SLC2A9: variants seen among roughly 807,000 people sequenced by gnomAD.
SLC2A9 encodes solute carrier family 2 member 9.
SLC2A9 carries 39 observed loss-of-function variants against 50.6 expected under a neutral mutation model. The observed-to-expected ratio is 0.77, with a 90% CI of 0.60 to 1.01. The LOEUF is 1.01. SLC2A9 is among the 50% of genes least tolerant of loss of function. SLC2A9 has a pLI of 0.00. For synonymous variants in SLC2A9, 324 were observed against 276.9 expected, an observed-to-expected ratio of 1.17 and a Z score of -1.69; for missense variants, 686 against 677.6, an observed-to-expected ratio of 1.01 and a Z score of -0.14.
At chr4:9,870,369 C>G (rs1355445039) in intron 10 of SLC2A9, among the ~76,000 whole-genome samples, 1 of 152,222 alleles carries the variant, frequency 6.6e-6, no homozygotes, top group Non-Finnish European at 1.5e-5. Flanking sequence ...AAGAGGAAGA[C>G]AGCTGCTGAC....
intron 10 of SLC2A9, among the ~76,000 whole-genome samples, chr4:9,878,319 G>A (rs983812346): frequency 7.9e-5 from 12 of 152,158 alleles, no homozygotes; most frequent in South Asian, 4.2e-4. Context: ...TCAAGGCAGC[G>A]CTGGCCATGC....
chr4:9,780,684 C>T (rs970894473), intron 3 of SLC2A9, among the ~76,000 whole-genome samples: 5 of 152,204 alleles, frequency 3.3e-5, no homozygotes, highest in African/African-American at 1.2e-4. Context: ...TTCAGCTGAG[C>T]TTAACGCCAG....
At chr4:9,782,160 C>T in intron 3 of SLC2A9, 1 of 1,588,554 alleles carries the variant, frequency 6.3e-7, no homozygotes, top group Non-Finnish European at 8.6e-7. Context: ...GTGGTCACCG[C>T]CTGCCTGCTG....
chr4:10,013,328 G>A (rs1267020792), intron 2 of SLC2A9, among the ~76,000 whole-genome samples: 2 of 152,184 alleles, frequency 1.3e-5, no homozygotes, highest in Admixed American at 6.5e-5. Context: ...GGACCCTTGT[G>A]GATGCACGAG....
At chr4:9,901,572 C>G (rs888712075) in intron 8 of SLC2A9, among the ~76,000 whole-genome samples, 24 of 152,134 alleles carry the variant, frequency 1.6e-4, no homozygotes, top group African/African-American at 5.8e-4. Context: ...CCACTAAAAG[C>G]CTTATAGACA....
intron 3 of SLC2A9, 136 bp from the exon 4 acceptor site, chr4:9,985,929 G>T: frequency 1.6e-6 from 2 of 1,240,150 alleles, no homozygotes; most frequent in African/African-American, 1.5e-5. Flanking sequence ...GGGAGCACTG[G>T]CCTTGCCACC....
chr4:9,956,100 A>C (rs1751228569), intron 5 of SLC2A9, among the ~76,000 whole-genome samples: 1 of 151,806 alleles, frequency 6.6e-6, no homozygotes, highest in Non-Finnish European at 1.5e-5. Context: ...GCTTGTCTCA[A>C]ACTCCTGACC....
intron 3 of SLC2A9, among the ~76,000 whole-genome samples, chr4:9,781,031 C>G (rs562818924): frequency 3.3e-4 from 50 of 152,174 alleles, no homozygotes; most frequent in Non-Finnish European, 6.6e-4. Flanking sequence ...GGGAAAAGGA[C>G]AATCTCCCAA....
chr4:9,930,010 G>A (rs1275553511), intron 6 of SLC2A9, among the ~76,000 whole-genome samples: 2 of 152,138 alleles, frequency 1.3e-5, no homozygotes, highest in African/African-American at 4.8e-5. Flanking sequence ...GGGAGCTGGG[G>A]CTTCCAGATA....
intron 5 of SLC2A9, among the ~76,000 whole-genome samples, chr4:9,942,434 G>A (rs549138948): frequency 6.6e-6 from 1 of 152,146 alleles, no homozygotes; most frequent in Non-Finnish European, 1.5e-5. Context: ...CCCAAGAATG[G>A]AGCCTGCATG....
chr4:9,808,742 A>T (rs915384383), intron 3 of SLC2A9, among the ~76,000 whole-genome samples: 1 of 152,294 alleles, frequency 6.6e-6, no homozygotes, highest in South Asian at 2.1e-4. Context: ...TTGCAACATG[A>T]TTCCAAAGTG....
chr4:10,036,445 C>T (rs996341714), intron 1 of SLC2A9, among the ~76,000 whole-genome samples: 3 of 152,242 alleles, frequency 2.0e-5, no homozygotes, highest in Non-Finnish European at 2.9e-5. Context: ...ATAAGGCCAT[C>T]GCTCTTCCAT....
rs145364569 is a variant in SLC2A9, at chr4:9,963,028, G to A, written c.681+17564C>T. On this transcript the variant is annotated intron_variant, in intron 5 of 11. Transcript: ENST00000264784. ...AGAAAGCTTTCCGTGGCCCTCTCTC[G>A]CTGCATTAGGGCCATTAGGAAAGAG... 3.6e-4 allele frequency among the ~76,000 whole-genome samples: 55 copies of A among 152,256 alleles called. 2 individuals carry two copies. The East Asian group carries it at 6.0e-3, about 17-fold the overall frequency.
downstream of SLC2A9, among the ~76,000 whole-genome samples, chr4:9,825,533 GT>G (rs912124096): frequency 4.7e-3 from 10 of 2,130 alleles, no homozygotes; most frequent in Non-Finnish European, 0.014. Flanking sequence ...TAATCACAAT[GT>G]TTTTTTTTTT....
At chr4:9,968,811 A>G (rs957926599) in intron 5 of SLC2A9, among the ~76,000 whole-genome samples, 1 of 152,178 alleles carries the variant, frequency 6.6e-6, no homozygotes, top group African/African-American at 2.4e-5. Flanking sequence ...ATATTTTATC[A>G]AGATAATTTC....
At chr4:9,786,284 T>C (rs1053647673) in intron 3 of SLC2A9, among the ~76,000 whole-genome samples, 1 of 152,154 alleles carries the variant, frequency 6.6e-6, no homozygotes, top group African/African-American at 2.4e-5. Flanking sequence ...GCAGGCTAAA[T>C]AACCAGCCTG....
rs1054041694 is a variant in SLC2A9, at chr4:9,879,104, T to C, written c.1291+8463A>G. The C allele has an allele frequency of 1.9e-5, 19 of 984,906 alleles. No individual in the cohort carries two copies. The South Asian group carries it at 7.5e-4, about 39-fold the overall frequency. 61.0% of individuals were successfully genotyped at this position (984,906 alleles called of 1,614,324 possible). A position where few individuals can be genotyped will look rare whatever the true frequency, so the allele number is the denominator to read the frequency against. On this transcript the variant is annotated intron_variant, in intron 10 of 11. Coordinates refer to ENST00000264784, the MANE Select transcript of SLC2A9 (RefSeq NM_020041.3). ...ACAGGTGATAGAAACAAGGTTCTTGTCTTTGAAGCAGTCCCTGATGTTAGG... is the reference window on the plus strand; with the variant it reads ...ACAGGTGATAGAAACAAGGTTCTTGCCTTTGAAGCAGTCCCTGATGTTAGG...
At position 9,837,042 on chromosome 4, in the gene SLC2A9, A is replaced by T. The variant is rs1727228539; in HGVS notation, c.1292-2034T>A. 3.9e-5 allele frequency among the ~76,000 whole-genome samples: 6 copies of T among 152,182 alleles called. No individual in the cohort carries two copies. The South Asian group carries it at 1.2e-3, about 31-fold the overall frequency. ...ACCGTTATCACCCCACTATGATGCC[A>T]GCAAGGCTTGCACTCCAACAAATCA... On this transcript the variant is annotated intron_variant, in intron 10 of 11. Coordinates refer to ENST00000264784, the MANE Select transcript of SLC2A9 (RefSeq NM_020041.3).
intron 3 of SLC2A9, among the ~76,000 whole-genome samples, chr4:9,788,654 T>C (rs1305391278): frequency 6.6e-6 from 1 of 152,200 alleles, no homozygotes; most frequent in Non-Finnish European, 1.5e-5. Context: ...CTGTTTTCTA[T>C]TGTCTTCTAA....
Sources: allele counts gnomAD v4.1 joint callset (sites outside exome capture counted in the v4.1 genomes callset), GRCh38; gene constraint gnomAD v4.1.1; transcripts MANE v1.5; gene names NCBI Gene and HGNC (gene_info 2026-07-23, HGNC 2026-07-21).